The following EHBP1 variants were observed in gnomAD, a reference collection of about 807,000 sequenced individuals.
The protein encoded by EHBP1 is EH domain binding protein 1, also known as EH domain-binding protein 1.
A neutral mutation model predicts 144.0 loss-of-function variants in EHBP1; 55 were observed. The observed-to-expected ratio is 0.38, with a 90% CI of 0.31 to 0.48. EHBP1 has a LOEUF of 0.48. Among genes scored for constraint, EHBP1 ranks in the 20% least tolerant of loss-of-function variants. EHBP1 has a pLI of 0.98. For missense variants in EHBP1, 1,200 were observed against 1,364.2 expected, an observed-to-expected ratio of 0.88 and a Z score of 1.90; for synonymous variants, 469 against 472.7, an observed-to-expected ratio of 0.99 and a Z score of 0.10.
intron 21 of EHBP1, 116 bp downstream of exon 21, chr2:63,038,932 T>G: frequency 1.2e-6 from 1 of 808,678 alleles, no homozygotes; most frequent in Non-Finnish European, 2.0e-6. Flanking sequence ...CTTCCGGAAT[T>G]GCAAATAAAT....
chr2:62,820,433 A>G (rs1276506246), intron 5 of EHBP1, among the ~76,000 whole-genome samples: 5 of 151,694 alleles, frequency 3.3e-5, no homozygotes, highest in South Asian at 2.1e-4. Context: ...TACATTCACA[A>G]TATTGTATAA....
chr2:63,012,582 A>G (rs189165366), intron 19 of EHBP1, among the ~76,000 whole-genome samples: 1 of 152,326 alleles, frequency 6.6e-6, no homozygotes, highest in African/African-American at 2.4e-5. Flanking sequence ...TACACTAAGT[A>G]AATCTCAAAA....
At chr2:62,781,210 G>T (rs1052249026) in intron 5 of EHBP1, among the ~76,000 whole-genome samples, 6 of 152,058 alleles carry the variant, frequency 3.9e-5, no homozygotes, top group African/African-American at 1.4e-4. Context: ...TGGTGGGTTA[G>T]GGGAGGCTTT....
chr2:62,903,929 T>A (rs1347554717), intron 10 of EHBP1, among the ~76,000 whole-genome samples: 1 of 152,224 alleles, frequency 6.6e-6, no homozygotes, highest in Non-Finnish European at 1.5e-5. Context: ...TTTGCAGTGA[T>A]CATTTAAAAC....
intron 5 of EHBP1, among the ~76,000 whole-genome samples, chr2:62,815,911 C>T (rs945531001): frequency 1.3e-5 from 2 of 152,090 alleles, no homozygotes; most frequent in Admixed American, 6.5e-5. Context: ...TGCAAAGTCA[C>T]GCCTGGATAA....
intron 2 of EHBP1, among the ~76,000 whole-genome samples, chr2:62,728,069 C>T (rs763771291): frequency 2.6e-5 from 4 of 152,148 alleles, no homozygotes; most frequent in African/African-American, 9.7e-5. Context: ...ATATTGGACA[C>T]CCTAGTAGTC....
intron 10 of EHBP1, among the ~76,000 whole-genome samples, chr2:62,903,164 G>A (rs994292642): frequency 2.6e-5 from 4 of 152,038 alleles, no homozygotes; most frequent in Non-Finnish European, 4.4e-5. Context: ...GGTTTAGTGG[G>A]CAAATTTATG....
At chr2:62,808,702 T>G (rs1414347773) in intron 5 of EHBP1, among the ~76,000 whole-genome samples, 1 of 152,170 alleles carries the variant, frequency 6.6e-6, no homozygotes, top group Non-Finnish European at 1.5e-5. Flanking sequence ...TAGCCAGATG[T>G]GATTTCCTGG....
chr2:62,834,299 A>G (rs1383078374), intron 7 of EHBP1, among the ~76,000 whole-genome samples: 2 of 152,254 alleles, frequency 1.3e-5, no homozygotes, highest in Admixed American at 1.3e-4. Flanking sequence ...GTCAAACAGC[A>G]TTGCACGCTA....
chr2:62,781,303 T>C (rs1281684391), intron 5 of EHBP1, among the ~76,000 whole-genome samples: 1 of 152,144 alleles, frequency 6.6e-6, no homozygotes, highest in East Asian at 1.9e-4. Flanking sequence ...ATCCAAAATC[T>C]CTACCTAAGA....
rs2034654081 is a variant in EHBP1, at chr2:62,706,964, C to G, written c.-228C>G. The G allele has an allele frequency of 2.1e-6, 1 of 482,268 alleles. No individual in the cohort carries two copies. The highest frequency in any genetic ancestry group is 3.8e-6 in the Non-Finnish European group (1 of 264,718). 29.9% of individuals were successfully genotyped at this position (482,268 alleles called of 1,614,324 possible). A position where few individuals can be genotyped will look rare whatever the true frequency, so the allele number is the denominator to read the frequency against. The stretch of plus-strand genomic sequence containing the variant: ...GATGTCTCCATGAGGGAACCCCTTC[C>G]CACTCATCCTGTCACGTATATCATA... On this transcript the variant is annotated 5_prime_UTR_variant, in exon 2 of 23. Transcript: ENST00000431489.
At chr2:62,893,667 A>G (rs940052634) in intron 10 of EHBP1, among the ~76,000 whole-genome samples, 3 of 152,216 alleles carry the variant, frequency 2.0e-5, no homozygotes, top group African/African-American at 7.2e-5. Context: ...ATTGATCACT[A>G]TATAAGTTTT....
intron 10 of EHBP1, among the ~76,000 whole-genome samples, chr2:62,915,438 C>T (rs529325401): frequency 1.3e-5 from 2 of 152,094 alleles, no homozygotes; most frequent in South Asian, 2.1e-4. Flanking sequence ...ACATGCATCC[C>T]ATTTTATATG....
chr2:62,798,755 A>G (rs2043743993), intron 5 of EHBP1, among the ~76,000 whole-genome samples: 1 of 152,096 alleles, frequency 6.6e-6, no homozygotes, highest in Non-Finnish European at 1.5e-5. Flanking sequence ...CTGTAATCCC[A>G]GCACTTTGGG....
intron 5 of EHBP1, among the ~76,000 whole-genome samples, chr2:62,793,230 A>G (rs2043288646): frequency 6.6e-6 from 1 of 152,062 alleles, no homozygotes; most frequent in Non-Finnish European, 1.5e-5. Flanking sequence ...ATTTTTGGAT[A>G]GGTATAAAAG....
At chr2:62,713,165 T>C (rs575651599) in intron 2 of EHBP1, among the ~76,000 whole-genome samples, 1 of 152,054 alleles carries the variant, frequency 6.6e-6, no homozygotes, top group East Asian at 1.9e-4. Flanking sequence ...TAGAGGCCAA[T>C]GTGTGGACAG....
At chr2:62,990,579 A>T in intron 15 of EHBP1, 137 bp from the exon 16 acceptor site, 1 of 839,240 alleles carries the variant, frequency 1.2e-6, no homozygotes, top group Non-Finnish European at 1.8e-6. Context: ...AGGATTTTTC[A>T]TGTGTCTAAT....
At chr2:62,853,698 A>C (rs1446668590) in intron 7 of EHBP1, among the ~76,000 whole-genome samples, 2 of 152,236 alleles carry the variant, frequency 1.3e-5, no homozygotes, top group Non-Finnish European at 2.9e-5. Context: ...TATATCTTAC[A>C]AAATGTATTT....
In EHBP1 at chr2:62,829,028, T is replaced by C. The variant is rs150623323; in HGVS notation, c.495-1991T>C. ...AGCTACTGAGGAGGCTAAGGCGGGATGATTGCTTGAGCCCAGGAAGATGCA... is the reference window on the plus strand; with the variant it reads ...AGCTACTGAGGAGGCTAAGGCGGGACGATTGCTTGAGCCCAGGAAGATGCA... On this transcript the variant is annotated intron_variant, in intron 6 of 22. Transcript: ENST00000431489. Among the ~76,000 whole-genome samples, 576 of 151,624 alleles carry C rather than the reference T, an allele frequency of 3.8e-3. 2 individuals are homozygous for C. Among genetic ancestry groups the C allele is most frequent in the African/African-American group, 0.013 (547 of 41,302 alleles).
Sources: gnomAD v4.1 joint callset for allele counts (sites outside exome capture counted in the v4.1 genomes callset) on GRCh38, gnomAD v4.1.1 for gene constraint, MANE v1.5 for transcripts, NCBI Gene and HGNC (gene_info 2026-07-23, HGNC 2026-07-21) for gene names.